Variants in MZT2B observed in about 807,000 individuals in gnomAD.
The protein encoded by MZT2B is mitotic spindle organizing protein 2B.
In MZT2B, 11 loss-of-function variants were observed where a neutral mutation model predicts 12.1. The observed-to-expected ratio is 0.91, with a 90% CI of 0.57 to 1.50. The LOEUF (loss-of-function observed/expected upper bound fraction) is 1.50. Ranked by LOEUF, MZT2B falls within the 40% of genes most tolerant of loss-of-function variation. The probability of loss-of-function intolerance (pLI) is 0.00; values close to 1 mark genes in which losing one functional copy is unlikely to be tolerated. For missense variants in MZT2B, 209 were observed against 227.7 expected (o/e 0.92, Z 0.53); for synonymous variants, 85 against 109.5 (o/e 0.78, Z 1.40).
the MZT2B span, chr2:130,202,407 A>G: frequency 7.7e-7 from 1 of 1,290,900 alleles, no homozygotes; most frequent in Non-Finnish European, 1.0e-6. Flanking sequence ...GCAGCACCGC[A>G]TGGTGTGGCA....
chr2:130,188,250 C>T (rs985484039), intron 2 of MZT2B: 4 of 160,898 alleles, frequency 2.5e-5, no homozygotes, highest in Non-Finnish European at 4.4e-5. Context: ...GAGCTGAGAG[C>T]GCATGGGCAC....
Position 130,182,433 on chromosome 2 carries a change from A to G in MZT2B, c.151A>G (p.Ile51Val), listed in dbSNP as rs1265196796. 3 of 1,561,600 alleles carry G rather than the reference A, an allele frequency of 1.9e-6. No homozygotes were observed. Among genetic ancestry groups the G allele is most frequent in the East Asian group, 2.4e-5 (1 of 42,062 alleles). Residue 51 changes from isoleucine (I) to valine (V), a missense_variant, in exon 1 of 3, where the codon ATC becomes GTC. Transcript: ENST00000281871. ...YELAQAAGGA[I>V]DPDVFKILVD... ...GCTGGCGCAGGCGGCGGGCGGCGCT[A>G]TCGACCCCGACGTGTTCAAGTGAGC... is the stretch of plus-strand genomic sequence containing the variant.
the MZT2B span, chr2:130,204,103 G>A: frequency 7.7e-7 from 1 of 1,290,912 alleles, no homozygotes. Context: ...TATAGTGTAA[G>A]ACTAAATGTC....
chr2:130,181,959 A>G, upstream of MZT2B: 4 of 1,407,348 alleles, frequency 2.8e-6, no homozygotes, highest in Admixed American at 2.2e-5. Context: ...CGAGCGCCCA[A>G]TGTATGCCTG....
upstream of MZT2B, chr2:130,181,840 A>G (rs1558772434): frequency 5.2e-6 from 8 of 1,535,116 alleles, no homozygotes; most frequent in Non-Finnish European, 6.1e-6. Context: ...CGTAAGCAGT[A>G]TTGTTGATTA....
At chr2:130,198,470 C>A in the MZT2B span, 2 of 1,240,152 alleles carry the variant, frequency 1.6e-6, 1 homozygote, top group East Asian at 5.9e-5. Context: ...ACAGGATTGG[C>A]CTGCCGGTGC....
At chr2:130,204,704 A>AG in the MZT2B span, among the ~76,000 whole-genome samples, 20 of 56,838 alleles carry the variant, frequency 3.5e-4, no homozygotes, top group South Asian at 1.3e-3. Flanking sequence ...AAAAAAAAAA[A>AG]GGGGGGGTGG....
chr2:130,202,391 A>G, the MZT2B span: 8 of 1,290,838 alleles, frequency 6.2e-6, no homozygotes, highest in East Asian at 3.9e-4. Context: ...TACGGGGGCC[A>G]GAGAAGCAGC....
chr2:130,190,492 C>G lies in MZT2B; in HGVS notation c.343C>G (p.Leu115Val), dbSNP rs1485424467. The change falls in exon 3 of 3, where the codon CTC becomes GTC. Residue 115 changes from leucine to valine, a missense_variant. Coordinates refer to ENST00000281871, the MANE Select transcript of MZT2B (RefSeq NM_025029.5). ...TRGRNKGSAA[L>V]GGALALAERS... ...AGGGAGAAACAAAGGCAGCGCTGCC[C>G]TCGGGGGAGCATTGGCCCTGGCGGA... 1.2e-5 allele frequency: 20 copies of G among 1,613,696 alleles called. No homozygotes were observed. Among genetic ancestry groups the G allele is most frequent in the Non-Finnish European group, 1.6e-5 (19 of 1,179,904 alleles).
chr2:130,190,813 G>C (rs1460795050), downstream of MZT2B: 2 of 1,326,448 alleles, frequency 1.5e-6, no homozygotes, highest in Non-Finnish European at 2.0e-6. Context: ...TCCTGGTTGT[G>C]CCACAGTGAA....
At chr2:130,193,958 C>G, downstream of MZT2B, 1 of 1,614,224 alleles carries the variant, frequency 6.2e-7, no homozygotes, top group East Asian at 2.2e-5. Context: ...TGGCTCGAAG[C>G]AGGCATTGGT....
At chr2:130,196,390 A>T in the MZT2B span, 2 of 1,605,356 alleles carry the variant, frequency 1.2e-6, no homozygotes, top group Middle Eastern at 3.3e-4. Context: ...CGGAACATAA[A>T]TGTGAACCCA....
the MZT2B span, among the ~76,000 whole-genome samples, chr2:130,196,989 C>T: frequency 6.6e-6 from 1 of 152,202 alleles, no homozygotes. Context: ...TGCCAGGGTA[C>T]TCCCTCCTTG....
chr2:130,198,683 G>A, the MZT2B span, among the ~76,000 whole-genome samples: 2 of 123,144 alleles, frequency 1.6e-5, 1 homozygote, highest in Non-Finnish European at 3.6e-5. Flanking sequence ...CAGCTACTGC[G>A]CTGCCTCTGT....
downstream of MZT2B, chr2:130,192,137 A>G: frequency 6.3e-7 from 1 of 1,589,254 alleles, no homozygotes; most frequent in Non-Finnish European, 8.6e-7. Flanking sequence ...CCTGCCAGAG[A>G]AGGGAAAGAA....
the MZT2B span, among the ~76,000 whole-genome samples, chr2:130,203,774 T>A: frequency 6.6e-6 from 1 of 152,188 alleles, no homozygotes; most frequent in Non-Finnish European, 1.5e-5. Flanking sequence ...TGCCTATGTA[T>A]TTTTTTCTGC....
At chr2:130,204,709 G>C in the MZT2B span, among the ~76,000 whole-genome samples, 5 of 138,750 alleles carry the variant, frequency 3.6e-5, 1 homozygote, top group East Asian at 2.0e-4. Context: ...AAAAAAGGGG[G>C]GGTGGGGAGG....
At chr2:130,185,795 C>T (rs1024441657) in intron 2 of MZT2B, among the ~76,000 whole-genome samples, 15 of 151,854 alleles carry the variant, frequency 9.9e-5, no homozygotes, top group Non-Finnish European at 1.9e-4. Flanking sequence ...ATGGGGGCTC[C>T]GAGAGAATTT....
chr2:130,204,367 G>A, the MZT2B span: 1 of 381,880 alleles, frequency 2.6e-6, no homozygotes, highest in Non-Finnish European at 5.3e-6. Flanking sequence ...GATGTGGCAG[G>A]AGATCTGAAG....
Sources: allele counts gnomAD v4.1 joint callset (sites outside exome capture counted in the v4.1 genomes callset), GRCh38; gene constraint gnomAD v4.1.1; transcripts MANE v1.5; gene names NCBI Gene and HGNC (gene_info 2026-07-23, HGNC 2026-07-21).